PSD3: variants seen among roughly 807,000 people sequenced by gnomAD.
PSD3 encodes the protein pleckstrin and Sec7 domain containing 3.
A neutral mutation model predicts 105.5 loss-of-function variants in PSD3; 49 were observed. The ratio of observed to expected loss-of-function variants is 0.46; its 90% CI spans 0.37 to 0.59. The LOEUF (loss-of-function observed/expected upper bound fraction) is 0.59. Ranked by LOEUF, PSD3 falls within the 20% of genes least tolerant of loss-of-function variation. PSD3 has a pLI of 0.00. For missense variants in PSD3, 1,561 were observed against 1,263.8 expected (o/e 1.24, Z -3.57); for synonymous variants, 557 against 457.8 (o/e 1.22, Z -2.77).
chr8:18,880,181 T>C (rs1818018617), intron 2 of PSD3, among the ~76,000 whole-genome samples: 1 of 152,214 alleles, frequency 6.6e-6, no homozygotes, highest in African/African-American at 2.4e-5. Context: ...ATTGGGACTA[T>C]ATGCTAAGAT....
chr8:18,645,235 T>A (rs1250932542), intron 10 of PSD3, among the ~76,000 whole-genome samples: 2 of 152,286 alleles, frequency 1.3e-5, no homozygotes, highest in Non-Finnish European at 2.9e-5. Context: ...ATAGCAAGAG[T>A]CTTCCTTAAT....
At chr8:18,915,940 A>T (rs906092570) in intron 2 of PSD3, among the ~76,000 whole-genome samples, 7 of 152,022 alleles carry the variant, frequency 4.6e-5, no homozygotes, top group African/African-American at 1.7e-4. Flanking sequence ...TACTAAAAGT[A>T]CAAAATTAGC....
At chr8:18,572,800 C>T in intron 13 of PSD3, 128 bp from the exon 14 acceptor site, 4 of 1,030,160 alleles carry the variant, frequency 3.9e-6, no homozygotes, top group Non-Finnish European at 5.7e-6. Flanking sequence ...ACAACTAATC[C>T]CTGACAAAAC....
In PSD3 at chr8:18,619,580, T is replaced by TTGTAG. The variant is rs1805956433; in HGVS notation, c.2410+13028_2410+13032dup. The stretch of plus-strand genomic sequence containing the variant: ...ACGGTTTGAACCCGGGAGGCAGAGG[T>TTGTAG]TGTAGTGAGCTGAGATCACGCCACT... On this transcript the variant is annotated intron_variant, in intron 11 of 15. Transcript: ENST00000327040. Among the ~76,000 whole-genome samples, 7 of 151,234 alleles carry TTGTAG rather than the reference T, an allele frequency of 4.6e-5. No homozygotes were observed. The South Asian group carries it at 1.5e-3, about 32-fold the overall frequency.
At chr8:19,068,176 C>T (rs1485395265) in intron 1 of PSD3, among the ~76,000 whole-genome samples, 2 of 152,036 alleles carry the variant, frequency 1.3e-5, no homozygotes, top group Non-Finnish European at 2.9e-5. Context: ...GAAGAGGATA[C>T]AGCCCCTTGA....
chr8:18,713,252 C>T (rs774043565), intron 9 of PSD3, among the ~76,000 whole-genome samples: 16 of 152,050 alleles, frequency 1.1e-4, no homozygotes, highest in Non-Finnish European at 2.4e-4. Flanking sequence ...TTTCACCACT[C>T]GTATTCAACA....
intron 4 of PSD3, among the ~76,000 whole-genome samples, chr8:18,826,607 T>C (rs1192781520): frequency 6.6e-6 from 1 of 152,262 alleles, no homozygotes; most frequent in Non-Finnish European, 1.5e-5. Context: ...AAGAGTCATA[T>C]TACCTACAGC....
At chr8:19,056,903 A>G (rs1828725584) in intron 1 of PSD3, among the ~76,000 whole-genome samples, 2 of 152,184 alleles carry the variant, frequency 1.3e-5, no homozygotes, top group Admixed American at 6.5e-5. Flanking sequence ...AATTCCCTCT[A>G]ATCTCCCAAG....
At chr8:18,865,286 A>ATTTTTTTTTT (rs375872604) in intron 4 of PSD3, 6 of 14,118 alleles carry the variant, frequency 4.2e-4, no homozygotes, top group Non-Finnish European at 5.9e-4. Context: ...ATATATATAT[A>ATTTTTTTTTT]TTTTTTTTTT....
chr8:18,804,126 A>T (rs185417076), intron 6 of PSD3, among the ~76,000 whole-genome samples: 2 of 152,292 alleles, frequency 1.3e-5, no homozygotes, highest in African/African-American at 4.8e-5. Context: ...GCTGTGTTTA[A>T]TATCTATAAT....
At chr8:18,820,445 T>C (rs1389203044) in intron 4 of PSD3, among the ~76,000 whole-genome samples, 1 of 152,098 alleles carries the variant, frequency 6.6e-6, no homozygotes, top group East Asian at 1.9e-4. Context: ...CCAAAATCCA[T>C]GGATGTTCAA....
intron 13 of PSD3, among the ~76,000 whole-genome samples, chr8:18,574,737 A>C (rs1802368822): frequency 6.6e-6 from 1 of 152,176 alleles, no homozygotes; most frequent in African/African-American, 2.4e-5. Context: ...TATCCCCCAC[A>C]CTAGTGACGA....
chr8:18,562,980 C>T (rs546897712), intron 14 of PSD3, among the ~76,000 whole-genome samples: 1 of 152,270 alleles, frequency 6.6e-6, no homozygotes, highest in African/African-American at 2.4e-5. Context: ...CTAGATCACA[C>T]CACTTCTTCC....
At chr8:19,033,015 T>C (rs1827821621) in intron 1 of PSD3, among the ~76,000 whole-genome samples, 1 of 151,944 alleles carries the variant, frequency 6.6e-6, no homozygotes, top group Non-Finnish European at 1.5e-5. Flanking sequence ...GAAGCGGAGG[T>C]GGGAAGATCC....
At chr8:18,843,767 G>A (rs2129451544) in intron 4 of PSD3, among the ~76,000 whole-genome samples, 1 of 151,882 alleles carries the variant, frequency 6.6e-6, no homozygotes, top group South Asian at 2.1e-4. Context: ...GATGATGGTG[G>A]TGATGGTGAT....
In PSD3 at chr8:18,854,224, T is replaced by C. The variant is rs1291659155; in HGVS notation, c.1634+13450A>G. 2.0e-5 allele frequency: 3 copies of C among 152,854 alleles called. No homozygotes were observed. In the Admixed American group the frequency reaches 2.0e-4, roughly 10 times the overall value. 9.5% of individuals were successfully genotyped at this position (152,854 alleles called of 1,614,324 possible). On this transcript the variant is annotated intron_variant, in intron 4 of 15. Transcript: ENST00000327040. ...AATGTACTTCTAAAGCTGCTTCTGT[T>C]GCAAGTACAAACTGCTACACACTGA...
At chr8:18,704,839 C>T (rs927435691) in intron 9 of PSD3, among the ~76,000 whole-genome samples, 27 of 151,428 alleles carry the variant, frequency 1.8e-4, no homozygotes, top group African/African-American at 4.6e-4. Flanking sequence ...GCAGCATATA[C>T]GACAAAGGTA....
At chr8:18,838,802 AAATAATAATAAT>A (rs55792203) in intron 4 of PSD3, among the ~76,000 whole-genome samples, 3,669 of 131,830 alleles carry the variant, frequency 0.028, 52 homozygotes, top group Non-Finnish European at 0.037. Flanking sequence ...ACTCCGTCTC[AAATAATAATAAT>A]AATAATAATA....
intron 8 of PSD3, among the ~76,000 whole-genome samples, chr8:18,775,118 G>C (rs188041590): frequency 6.6e-6 from 1 of 151,916 alleles, no homozygotes; most frequent in Non-Finnish European, 1.5e-5. Context: ...GGTATTTGTC[G>C]CTCTGTGCCA....
Sources: gnomAD v4.1 joint callset for allele counts (sites outside exome capture counted in the v4.1 genomes callset) on GRCh38, gnomAD v4.1.1 for gene constraint, MANE v1.5 for transcripts, NCBI Gene and HGNC (gene_info 2026-07-23, HGNC 2026-07-21) for gene names.